TECTA: variants seen among roughly 807,000 people sequenced by gnomAD.
TECTA encodes alpha-tectorin.
In TECTA, 128 loss-of-function variants were observed where a neutral mutation model predicts 216.8. The ratio of observed to expected loss-of-function variants is 0.59; its 90% CI spans 0.51 to 0.68. The LOEUF (loss-of-function observed/expected upper bound fraction) is 0.68, where lower values mean the gene tolerates loss of function less well. Ranked by LOEUF, TECTA falls within the 30% of genes least tolerant of loss-of-function variation. The probability of loss-of-function intolerance (pLI) is 0.00; values close to 1 mark genes in which losing one functional copy is unlikely to be tolerated. For missense variants in TECTA, 2,551 were observed against 2,786.2 expected (o/e 0.92, Z 1.90); for synonymous variants, 1,089 against 1,117.1 (o/e 0.97, Z 0.50).
chr11:121,170,725 C>T (rs1371849580), intron 20 of TECTA, among the ~76,000 whole-genome samples: 2 of 152,012 alleles, frequency 1.3e-5, no homozygotes, highest in African/African-American at 2.4e-5. Context: ...ATTTGTATGT[C>T]TTCTTTTGAG....
Position 121,168,848 on chromosome 11 carries a change from C to G in TECTA, c.5922C>G (p.Ile1974Met). 1 of 1,614,072 alleles carries G rather than the reference C, an allele frequency of 6.2e-7. No individual in the cohort carries two copies. Among genetic ancestry groups the G allele is most frequent in the Non-Finnish European group, 8.5e-7 (1 of 1,180,006 alleles). Residue 1974 changes from isoleucine (I) to methionine (M), a missense_variant, in exon 20 of 24, where the codon ATC becomes ATG. Ile to Met is a conservative substitution (Grantham distance 10). Coordinates refer to ENST00000392793, the MANE Select transcript of TECTA (RefSeq NM_005422.4). Reference protein sequence around the residue: ...FVVGADATHLILTLNKCYATP... With the variant: ...FVVGADATHLMLTLNKCYATP... ...TTGGAGCTGACGCCACACATTTAAT[C>G]CTAACACTCAACAAATGCTATGCCA...
intron 12 of TECTA, among the ~76,000 whole-genome samples, chr11:121,151,772 T>C (rs1183944014): frequency 6.6e-6 from 1 of 152,252 alleles, no homozygotes; most frequent in Non-Finnish European, 1.5e-5. Context: ...CTGTGTACTC[T>C]AAAAGTAGGT....
Position 121,129,732 on chromosome 11 carries a change from G to A in TECTA, c.2462G>A (p.Gly821Asp). 1.9e-6 allele frequency: 3 copies of A among 1,614,210 alleles called. No homozygotes were observed. Among genetic ancestry groups the A allele is most frequent in the East Asian group, 2.2e-5 (1 of 44,890 alleles). The change falls in exon 10 of 24, where the codon GGC becomes GAC. Residue 821 changes from glycine to aspartate, a missense_variant. Physicochemically the swap from Gly to Asp is moderately conservative, Grantham distance 94. Around this residue, in one of 3 missense-constraint regions of TECTA, gnomAD observed 2,375 missense variants for 2,563.9 expected, o/e 0.93. Transcript: ENST00000392793. ...NKNSTTVESK[G>D]VVTVQYSDIG... The stretch of plus-strand genomic sequence containing the variant: ...AACAGTACGACAGTGGAGTCCAAGG[G>A]CGTGGTGACTGTCCAGTACTCAGAC...
At chr11:121,123,722 T>G (rs1417743766) in intron 7 of TECTA, among the ~76,000 whole-genome samples, 1 of 152,238 alleles carries the variant, frequency 6.6e-6, no homozygotes, top group African/African-American at 2.4e-5. Context: ...AAAGCAGAAG[T>G]CAGATCGTGC....
intron 20 of TECTA, among the ~76,000 whole-genome samples, chr11:121,180,148 A>C (rs1166141620): frequency 6.6e-6 from 1 of 151,204 alleles, no homozygotes; most frequent in Admixed American, 6.6e-5. Flanking sequence ...TTATTATTGT[A>C]GTTTGGTGGC....
intron 16 of TECTA, among the ~76,000 whole-genome samples, chr11:121,164,398 A>G (rs1947030678): frequency 6.6e-6 from 1 of 152,218 alleles, no homozygotes. Flanking sequence ...TGTCCATCAT[A>G]TACTGTGATG....
At chr11:121,126,270 A>G (rs1214587327) in intron 8 of TECTA, among the ~76,000 whole-genome samples, 5 of 152,232 alleles carry the variant, frequency 3.3e-5, no homozygotes, top group Non-Finnish European at 7.3e-5. Context: ...GTCACCTTCC[A>G]CATGGAACCT....
intron 20 of TECTA, among the ~76,000 whole-genome samples, chr11:121,182,183 G>A (rs541024427): frequency 2.6e-5 from 4 of 152,310 alleles, no homozygotes; most frequent in African/African-American, 9.6e-5. Flanking sequence ...ATGGTAGAAG[G>A]TCTGGGTGGG....
chr11:121,176,939 T>G (rs1363593198), intron 20 of TECTA, among the ~76,000 whole-genome samples: 1 of 152,254 alleles, frequency 6.6e-6, no homozygotes, highest in Non-Finnish European at 1.5e-5. Context: ...CTTCCATCAC[T>G]GATACCCTTA....
chr11:121,117,344 G>C (rs534723819), intron 6 of TECTA, among the ~76,000 whole-genome samples: 1 of 152,156 alleles, frequency 6.6e-6, no homozygotes, highest in Non-Finnish European at 1.5e-5. Context: ...ATTTGTGACT[G>C]CTGCCCAGTT....
At chr11:121,139,400 T>C (rs896290398) in intron 11 of TECTA, among the ~76,000 whole-genome samples, 2 of 152,154 alleles carry the variant, frequency 1.3e-5, no homozygotes, top group Non-Finnish European at 2.9e-5. Flanking sequence ...ACTGGTCAAA[T>C]GAATGAGTGA....
At chr11:121,116,534 C>T (rs1328932294) in intron 6 of TECTA, among the ~76,000 whole-genome samples, 1 of 152,214 alleles carries the variant, frequency 6.6e-6, no homozygotes, top group African/African-American at 2.4e-5. Context: ...TGACTTCATT[C>T]TTTTCCTCCT....
intron 6 of TECTA, among the ~76,000 whole-genome samples, chr11:121,115,077 T>C (rs1946488554): frequency 1.0e-5 from 1 of 95,638 alleles, no homozygotes; most frequent in Non-Finnish European, 2.1e-5. Context: ...ACCCACCCAT[T>C]CACCCACCCA....
chr11:121,184,262 C>T (rs557020585), intron 20 of TECTA, among the ~76,000 whole-genome samples: 2 of 152,350 alleles, frequency 1.3e-5, no homozygotes, highest in East Asian at 1.9e-4. Flanking sequence ...GCTATCAACA[C>T]TCTCCTCTTG....
At chr11:121,135,973 T>C (rs1470274044) in intron 10 of TECTA, among the ~76,000 whole-genome samples, 2 of 151,492 alleles carry the variant, frequency 1.3e-5, no homozygotes, top group Admixed American at 1.3e-4. Context: ...TTTTTTTTTT[T>C]CTCCAGACGG....
At chr11:121,112,417 A>G (rs1946449888) in intron 4 of TECTA, among the ~76,000 whole-genome samples, 1 of 152,238 alleles carries the variant, frequency 6.6e-6, no homozygotes, top group Non-Finnish European at 1.5e-5. Context: ...GTGGGCCAAT[A>G]CGATCACCCG....
At chr11:121,163,513 T>C (rs1463555403) in intron 16 of TECTA, among the ~76,000 whole-genome samples, 1 of 151,628 alleles carries the variant, frequency 6.6e-6, no homozygotes, top group Non-Finnish European at 1.5e-5. Context: ...GACGAGTTAA[T>C]GGGTGCAGCA....
At chr11:121,119,846 T>C (rs1946539531) in intron 7 of TECTA, among the ~76,000 whole-genome samples, 2 of 152,228 alleles carry the variant, frequency 1.3e-5, no homozygotes, top group Non-Finnish European at 2.9e-5. Flanking sequence ...AGTGAGCTAT[T>C]ACTGTGGTTG....
intron 11 of TECTA, among the ~76,000 whole-genome samples, chr11:121,142,668 G>T (rs1054823452): frequency 2.6e-5 from 4 of 152,118 alleles, no homozygotes; most frequent in Non-Finnish European, 4.4e-5. Context: ...TTTATTCGCT[G>T]TGAGCTTTCA....
Sources: allele counts gnomAD v4.1 joint callset (sites outside exome capture counted in the v4.1 genomes callset), GRCh38; gene constraint gnomAD v4.1.1; regional missense constraint gnomAD v4.1.1; transcripts MANE v1.5; gene names NCBI Gene and HGNC (gene_info 2026-07-23, HGNC 2026-07-21).